The following PPM1L variants were observed in gnomAD, a reference collection of about 807,000 sequenced individuals.
PPM1L encodes protein phosphatase 1L.
PPM1L carries 13 observed loss-of-function variants against 31.4 expected under a neutral mutation model. The ratio of observed to expected loss-of-function variants is 0.41; its 90% CI spans 0.27 to 0.66. The LOEUF (loss-of-function observed/expected upper bound fraction) is 0.66, where lower values mean the gene tolerates loss of function less well. Ranked by LOEUF, PPM1L falls within the 30% of genes least tolerant of loss-of-function variation. PPM1L has a pLI of 0.29. For synonymous variants in PPM1L, 184 were observed against 175.4 expected, an observed-to-expected ratio of 1.05 and a Z score of -0.39; for missense variants, 326 against 453.7, an observed-to-expected ratio of 0.72 and a Z score of 2.56.
At chr3:160,827,447 T>TGTGTGTGTGTGTGTGTG (rs1713387660) in intron 1 of PPM1L, among the ~76,000 whole-genome samples, 1 of 141,360 alleles carries the variant, frequency 7.1e-6, no homozygotes, top group Non-Finnish European at 1.5e-5. Flanking sequence ...TGATATAAGT[T>TGTGTGTGTGTGTGTGTG]TGTGTGTGTG....
chr3:160,810,343 A>G (rs1427367810), intron 1 of PPM1L, among the ~76,000 whole-genome samples: 1 of 152,108 alleles, frequency 6.6e-6, no homozygotes, highest in East Asian at 1.9e-4. Context: ...TGTGATTAAA[A>G]TCAGCCTGTA....
intron 2 of PPM1L, among the ~76,000 whole-genome samples, chr3:160,978,287 T>C (rs1447580434): frequency 6.6e-6 from 1 of 152,192 alleles, no homozygotes; most frequent in Non-Finnish European, 1.5e-5. Context: ...GAGTGAGTTC[T>C]GTGGGCATCC....
chr3:160,919,171 G>C (rs559254222), intron 1 of PPM1L, among the ~76,000 whole-genome samples: 2 of 152,306 alleles, frequency 1.3e-5, no homozygotes, highest in East Asian at 3.9e-4. Flanking sequence ...CTAAATACAT[G>C]AAGTGTTGGA....
intron 2 of PPM1L, among the ~76,000 whole-genome samples, chr3:161,003,702 T>G (rs1295382669): frequency 1.3e-5 from 2 of 152,224 alleles, no homozygotes; most frequent in Non-Finnish European, 2.9e-5. Context: ...ATCCTGAGAA[T>G]TTGCTGAAGT....
intron 2 of PPM1L, among the ~76,000 whole-genome samples, chr3:161,052,525 A>G (rs2108099747): frequency 6.6e-6 from 1 of 152,350 alleles, no homozygotes; most frequent in Non-Finnish European, 1.5e-5. Flanking sequence ...TTGAAATTCA[A>G]AAGCTGAGCA....
chr3:160,908,675 C>T (rs78925615), intron 1 of PPM1L, among the ~76,000 whole-genome samples: 2 of 152,074 alleles, frequency 1.3e-5, no homozygotes, highest in Non-Finnish European at 2.9e-5. Context: ...ATGGTGATTA[C>T]CAAGACAGAG....
At chr3:160,971,857 G>A (rs968837709) in intron 2 of PPM1L, among the ~76,000 whole-genome samples, 1 of 152,068 alleles carries the variant, frequency 6.6e-6, no homozygotes, top group Admixed American at 6.6e-5. Flanking sequence ...TTGAACTCCT[G>A]GGCTCAAGGG....
intron 2 of PPM1L, among the ~76,000 whole-genome samples, chr3:160,971,836 T>C (rs1559908580): frequency 6.6e-6 from 1 of 152,108 alleles, no homozygotes; most frequent in Non-Finnish European, 1.5e-5. Context: ...TGATCTTAGC[T>C]CTCTGCAACC....
At chr3:160,830,000 G>A (rs906600164) in intron 1 of PPM1L, among the ~76,000 whole-genome samples, 4 of 152,178 alleles carry the variant, frequency 2.6e-5, no homozygotes, top group Admixed American at 1.3e-4. Context: ...GGATTGGTCT[G>A]TCACATAAAC....
rs1486978215 is a variant in PPM1L at position 161,072,614 on chromosome 3, C to T, written c.*3457C>T. 3 of 152,124 alleles carry T rather than the reference C, an allele frequency of 2.0e-5. No homozygotes were observed. Among genetic ancestry groups the T allele is most frequent in the South Asian group, 2.1e-4 (1 of 4,820 alleles). The allele number at this position is 152,124 out of a possible 1,614,324, so 9.4% of individuals were successfully genotyped here. A position where few individuals can be genotyped will look rare whatever the true frequency, so the allele number is the denominator to read the frequency against. ...AAATTGAGTCCACTGTTTTCCTTTG[C>T]GTTTAATTTCCTTTGTGTTTAATTT... On this transcript the variant is annotated 3_prime_UTR_variant, in exon 4 of 4. Transcript: ENST00000498165.
rs567831232 is a variant in PPM1L at position 160,828,253 on chromosome 3, C to T, written c.399+71546C>T. ...GCAGGTATTAAGCTACTTTACCTGCCACTTTACCATGTATGTATTCCATGC... is the reference window on the plus strand; with the variant it reads ...GCAGGTATTAAGCTACTTTACCTGCTACTTTACCATGTATGTATTCCATGC... On this transcript the variant is annotated intron_variant, in intron 1 of 3. Transcript: ENST00000498165. Among the ~76,000 whole-genome samples the T allele has an allele frequency of 2.6e-5, 4 of 152,136 alleles. No homozygotes were observed. In the South Asian group the frequency reaches 8.3e-4, roughly 32 times the overall value.
intron 1 of PPM1L, among the ~76,000 whole-genome samples, chr3:160,900,144 T>C: frequency 6.6e-6 from 1 of 152,180 alleles, no homozygotes; most frequent in African/African-American, 2.4e-5. Context: ...GTTATGAATA[T>C]TGTTAGAGCG....
intron 1 of PPM1L, among the ~76,000 whole-genome samples, chr3:160,824,351 G>A (rs1713294541): frequency 6.6e-6 from 1 of 152,182 alleles, no homozygotes; most frequent in Non-Finnish European, 1.5e-5. Context: ...TCTGTTGTGT[G>A]TTAGCTACCT....
Position 160,948,491 on chromosome 3 carries a change from T to G in PPM1L, c.400-13245T>G, listed in dbSNP as rs747972141. 3.9e-4 allele frequency among the ~76,000 whole-genome samples: 59 copies of G among 152,180 alleles called. 1 individual carries two copies. The highest frequency in any genetic ancestry group is 2.4e-3 in the Admixed American group (37 of 15,270). On this transcript the variant is annotated intron_variant, in intron 1 of 3. Coordinates refer to ENST00000498165, the MANE Select transcript of PPM1L (RefSeq NM_139245.4). ...GTCAGGTCAGTGTTCTTACCATGCC[T>G]GGGATGGTCAAGAGGAAATCATTGT...
intron 1 of PPM1L, among the ~76,000 whole-genome samples, chr3:160,821,420 TA>T (rs1395811945): frequency 1.3e-5 from 2 of 152,124 alleles, no homozygotes; most frequent in African/African-American, 4.8e-5. Flanking sequence ...TCATATTTTT[TA>T]ATTTCTGCAG....
intron 2 of PPM1L, among the ~76,000 whole-genome samples, chr3:161,027,366 A>T (rs1236217499): frequency 1.3e-5 from 2 of 152,202 alleles, no homozygotes; most frequent in Non-Finnish European, 2.9e-5. Flanking sequence ...TGATAAAGAC[A>T]TACCTGACAC....
rs1356869479 is a variant in PPM1L, at chr3:161,076,333, T to G, written c.*7176T>G. 1 of 152,218 alleles carries G rather than the reference T, an allele frequency of 6.6e-6. No homozygotes were observed. The highest frequency in any genetic ancestry group is 1.5e-5 in the Non-Finnish European group (1 of 68,032). 9.4% of individuals were successfully genotyped at this position (152,218 alleles called of 1,614,324 possible). ...GGAGAAAAGCTAGAACCATGGGACA[T>G]TAAGCAAGAATACTCCTCTGATTTA... is the stretch of plus-strand genomic sequence containing the variant. On this transcript the variant is annotated 3_prime_UTR_variant, in exon 4 of 4. Transcript: ENST00000498165.
chr3:160,922,782 T>C (rs1310153040), intron 1 of PPM1L, among the ~76,000 whole-genome samples: 10 of 152,222 alleles, frequency 6.6e-5, no homozygotes, highest in Admixed American at 6.5e-4. Context: ...AATAAAACTT[T>C]TGTCTTTTTA....
intron 1 of PPM1L, among the ~76,000 whole-genome samples, chr3:160,932,063 AAGGGAAGG>A (rs947716037): frequency 1.1e-4 from 17 of 152,220 alleles, no homozygotes; most frequent in African/African-American, 4.1e-4. Flanking sequence ...GCAGGGATCC[AAGGGAAGG>A]AGGAGTGAGG....
Sources: allele counts gnomAD v4.1 joint callset (sites outside exome capture counted in the v4.1 genomes callset), GRCh38; gene constraint gnomAD v4.1.1; transcripts MANE v1.5; gene names NCBI Gene and HGNC (gene_info 2026-07-23, HGNC 2026-07-21).